The following PXDNL variants were observed in gnomAD, a reference collection of about 807,000 sequenced individuals.
PXDNL encodes the protein probable oxidoreductase PXDNL.
Under a neutral mutation model 150.8 loss-of-function variants are expected in PXDNL, and 145 were observed. That is an observed-to-expected ratio of 0.96 (90% CI 0.84 to 1.10). The LOEUF (loss-of-function observed/expected upper bound fraction) is 1.10, where lower values mean the gene tolerates loss of function less well. PXDNL is among the 50% of genes least tolerant of loss of function. PXDNL has a pLI of 0.00. For missense variants in PXDNL, 2,087 were observed against 1,873.9 expected, an observed-to-expected ratio of 1.11 and a Z score of -2.10; for synonymous variants, 757 against 725.7, an observed-to-expected ratio of 1.04 and a Z score of -0.69.
At chr8:51,404,261 C>G (rs563120298) in intron 17 of PXDNL, among the ~76,000 whole-genome samples, 2 of 152,362 alleles carry the variant, frequency 1.3e-5, no homozygotes, top group East Asian at 3.9e-4. Context: ...CCACTGTTGG[C>G]TCAGGCAGCC....
chr8:51,760,992 G>A (rs1197236760), intron 1 of PXDNL, among the ~76,000 whole-genome samples: 1 of 147,356 alleles, frequency 6.8e-6, no homozygotes, highest in Non-Finnish European at 1.5e-5. Context: ...CGGAGTAGCT[G>A]GTTCGACAGG....
rs919670984 is a variant in PXDNL at position 51,596,972 on chromosome 8, G to T, written c.237-4274C>A. Among the ~76,000 whole-genome samples the T allele has an allele frequency of 2.0e-5, 3 of 152,012 alleles. No individual in the cohort carries two copies. The East Asian group carries it at 5.8e-4, about 29-fold the overall frequency. On this transcript the variant is annotated intron_variant, in intron 2 of 22. Transcript: ENST00000356297. ...TGCTTTTGAGGACGTAGTCAAAAAT[G>T]TTCTCCCAATGCCCATGCCCAGATG... is the stretch of plus-strand genomic sequence containing the variant.
At chr8:51,606,632 T>A (rs1813841758) in intron 2 of PXDNL, among the ~76,000 whole-genome samples, 1 of 152,178 alleles carries the variant, frequency 6.6e-6, no homozygotes, top group Non-Finnish European at 1.5e-5. Context: ...AAGTCACATA[T>A]GTGATTTCTA....
intron 1 of PXDNL, among the ~76,000 whole-genome samples, chr8:51,707,804 T>C (rs1816411384): frequency 1.3e-5 from 2 of 152,220 alleles, no homozygotes; most frequent in Non-Finnish European, 2.9e-5. Flanking sequence ...TTATTTCACT[T>C]AACATAATAT....
chr8:51,456,405 G>A (rs1475072846), intron 9 of PXDNL, among the ~76,000 whole-genome samples: 2 of 152,092 alleles, frequency 1.3e-5, no homozygotes, highest in African/African-American at 4.8e-5. Context: ...AAAGGTCAAT[G>A]CTCTTGGGAA....
At chr8:51,508,034 G>A (rs1394678063) in intron 4 of PXDNL, among the ~76,000 whole-genome samples, 2 of 152,166 alleles carry the variant, frequency 1.3e-5, no homozygotes, top group African/African-American at 2.4e-5. Context: ...TATTAAAGGG[G>A]TGCCAAATAA....
intron 19 of PXDNL, among the ~76,000 whole-genome samples, chr8:51,350,354 C>CTTTTTTTTTTTTTTTTTT (rs1163628780): frequency 3.1e-4 from 24 of 77,892 alleles, no homozygotes; most frequent in African/African-American, 4.7e-4. Flanking sequence ...AATGCAGCTT[C>CTTTTTTTTTTTTTTTTTT]TTTTTTTTTT....
chr8:51,726,651 G>A (rs893206358), intron 1 of PXDNL, among the ~76,000 whole-genome samples: 9 of 152,072 alleles, frequency 5.9e-5, no homozygotes, highest in Non-Finnish European at 1.0e-4. Flanking sequence ...AATGTTCAAC[G>A]TTACATGATA....
chr8:51,748,175 C>T (rs890368828), intron 1 of PXDNL, among the ~76,000 whole-genome samples: 7 of 152,200 alleles, frequency 4.6e-5, no homozygotes, highest in Non-Finnish European at 8.8e-5. Context: ...TACTAAGTGA[C>T]AAATCATAAG....
chr8:51,453,401 A>T (rs1167120939), intron 10 of PXDNL, 118 bp downstream of exon 10: 4 of 1,143,998 alleles, frequency 3.5e-6, no homozygotes, highest in Non-Finnish European at 4.9e-6. Context: ...TTGTGTCAAA[A>T]AATAATTGGC....
chr8:51,529,763 C>T (rs939845612), intron 4 of PXDNL, among the ~76,000 whole-genome samples: 1 of 152,164 alleles, frequency 6.6e-6, no homozygotes, highest in Non-Finnish European at 1.5e-5. Flanking sequence ...ACCTGTCCAA[C>T]CTGAGTTCCC....
At chr8:51,732,310 A>G (rs186994370) in intron 1 of PXDNL, among the ~76,000 whole-genome samples, 3 of 152,314 alleles carry the variant, frequency 2.0e-5, no homozygotes, top group Admixed American at 6.5e-5. Context: ...CTTTGCTAAA[A>G]CATAGCAACG....
chr8:51,679,489 T>A (rs1313226150), intron 1 of PXDNL, among the ~76,000 whole-genome samples: 1 of 152,210 alleles, frequency 6.6e-6, no homozygotes, highest in Non-Finnish European at 1.5e-5. Context: ...ATTTGCTAAA[T>A]CAGGGGTGGA....
chr8:51,705,623 A>T (rs1816360115), intron 1 of PXDNL, among the ~76,000 whole-genome samples: 1 of 152,262 alleles, frequency 6.6e-6, no homozygotes, highest in Admixed American at 6.5e-5. Flanking sequence ...TAATGTGTGT[A>T]AGAAATAATA....
Position 51,727,341 on chromosome 8 carries a change from G to A in PXDNL, c.165-72581C>T, listed in dbSNP as rs115436237. Reference sequence around the variant, plus strand: ...AGTAAAAGCACATAAAAATGATTCCGTAGTACTACTACACAGTGGGGGTCC... The same window carrying A: ...AGTAAAAGCACATAAAAATGATTCCATAGTACTACTACACAGTGGGGGTCC... On this transcript the variant is annotated intron_variant, in intron 1 of 22. Coordinates refer to ENST00000356297, the MANE Select transcript of PXDNL (RefSeq NM_144651.5). Among the ~76,000 whole-genome samples, 555 of 152,216 alleles carry A rather than the reference G, an allele frequency of 3.6e-3. 5 individuals are homozygous for A. The highest frequency in any genetic ancestry group is 0.013 in the African/African-American group (522 of 41,524).
chr8:51,652,095 G>A (rs1815052734), intron 2 of PXDNL, among the ~76,000 whole-genome samples: 1 of 152,048 alleles, frequency 6.6e-6, no homozygotes, highest in Non-Finnish European at 1.5e-5. Flanking sequence ...AAACATTGGA[G>A]TTTCTGTGCA....
At chr8:51,540,121 C>A (rs1812180811) in intron 4 of PXDNL, among the ~76,000 whole-genome samples, 1 of 152,110 alleles carries the variant, frequency 6.6e-6, no homozygotes. Context: ...TGGTCTCGAA[C>A]TCCTGGCCTC....
At chr8:51,703,587 C>T (rs560808932) in intron 1 of PXDNL, among the ~76,000 whole-genome samples, 35 of 152,240 alleles carry the variant, frequency 2.3e-4, no homozygotes, top group African/African-American at 8.2e-4. Context: ...CACTAGAATA[C>T]CTGCATCTGG....
intron 11 of PXDNL, among the ~76,000 whole-genome samples, chr8:51,447,788 C>G (rs539097069): frequency 6.6e-6 from 1 of 152,260 alleles, no homozygotes; most frequent in African/African-American, 2.4e-5. Context: ...TGTCTTGTTA[C>G]AGATGGAAAA....
Sources: allele counts gnomAD v4.1 joint callset (sites outside exome capture counted in the v4.1 genomes callset), GRCh38; gene constraint gnomAD v4.1.1; transcripts MANE v1.5; gene names NCBI Gene and HGNC (gene_info 2026-07-23, HGNC 2026-07-21).